TOGARAM2: variants seen among roughly 807,000 people sequenced by gnomAD.
The protein encoded by TOGARAM2 is TOG array regulator of axonemal microtubules protein 2.
TOGARAM2 carries 85 observed loss-of-function variants against 93.3 expected under a neutral mutation model. That is an observed-to-expected ratio of 0.91 (90% CI 0.76 to 1.09). TOGARAM2 has a LOEUF of 1.09. Among genes scored for constraint, TOGARAM2 ranks in the 50% least tolerant of loss-of-function variants. TOGARAM2 has a pLI of 0.00. For synonymous variants in TOGARAM2, 593 were observed against 552.8 expected, an observed-to-expected ratio of 1.07 and a Z score of -1.02; for missense variants, 1,277 against 1,334.5, an observed-to-expected ratio of 0.96 and a Z score of 0.67.
Position 29,023,063 on chromosome 2 carries a change from C to G in TOGARAM2, c.1512-23C>G, listed in dbSNP as rs746388506. 3 of 1,566,320 alleles carry G rather than the reference C, an allele frequency of 1.9e-6. No individual in the cohort carries two copies. In the East Asian group the frequency reaches 7.0e-5, roughly 37 times the overall value. On this transcript the variant is annotated intron_variant, in intron 11 of 19. Transcript: ENST00000379558. ...CTCCTCCCTCTCCACCCTTCTGCAA[C>G]AGGGCCTGGCCTTGCTTCTCAGGCA...
At chr2:29,022,133 T>G in intron 10 of TOGARAM2, 25 bp from the exon 11 acceptor site, 1 of 1,613,792 alleles carries the variant, frequency 6.2e-7, no homozygotes, top group Non-Finnish European at 8.5e-7. Context: ...GCGTGAAGCC[T>G]GCTGTTTCTT....
intron 1 of TOGARAM2, among the ~76,000 whole-genome samples, chr2:28,985,300 G>A (rs1254715268): frequency 6.6e-6 from 1 of 151,950 alleles, no homozygotes; most frequent in Non-Finnish European, 1.5e-5. Flanking sequence ...CTTGATCTTG[G>A]ACTTCCCAGC....
chr2:28,990,516 G>A (rs1572642506), intron 1 of TOGARAM2, among the ~76,000 whole-genome samples: 2 of 152,284 alleles, frequency 1.3e-5, no homozygotes, highest in Admixed American at 6.5e-5. Context: ...ACTCACAGGC[G>A]CATCTCCTCC....
At chr2:28,993,990 C>T (rs1219769582) in intron 1 of TOGARAM2, among the ~76,000 whole-genome samples, 4 of 152,194 alleles carry the variant, frequency 2.6e-5, no homozygotes, top group East Asian at 1.9e-4. Context: ...CTGGAAGCAC[C>T]TCTGTTACCT....
intron 6 of TOGARAM2, among the ~76,000 whole-genome samples, chr2:29,008,790 A>G (rs1193902696): frequency 6.6e-6 from 1 of 152,142 alleles, no homozygotes; most frequent in African/African-American, 2.4e-5. Flanking sequence ...TCTGTTCTTT[A>G]ACTTGGAGCA....
intron 8 of TOGARAM2, 56 bp downstream of exon 8, chr2:29,014,617 G>GA: frequency 2.1e-5 from 32 of 1,535,234 alleles, no homozygotes; most frequent in Non-Finnish European, 2.8e-5. Flanking sequence ...GCAGGCTGCA[G>GA]GAAGGCAAGC....
chr2:28,990,544 C>T lies in TOGARAM2; in HGVS notation c.-110-4181C>T, dbSNP rs543752107. Among the ~76,000 whole-genome samples, 6 of 152,342 alleles carry T rather than the reference C, an allele frequency of 3.9e-5. No homozygotes were observed. The East Asian group carries it at 1.2e-3, about 29-fold the overall frequency. ...TCTCCTCCACGCTTGCCTTAGGCCG[C>T]CTCCTCGGCCTGGAATGCCATTCCT... is the stretch of plus-strand genomic sequence containing the variant. On this transcript the variant is annotated intron_variant, in intron 1 of 19. Coordinates refer to ENST00000379558, the MANE Select transcript of TOGARAM2 (RefSeq NM_199280.4).
intron 6 of TOGARAM2, among the ~76,000 whole-genome samples, chr2:29,008,618 G>A (rs907610341): frequency 2.0e-5 from 3 of 152,004 alleles, no homozygotes; most frequent in South Asian, 2.1e-4. Flanking sequence ...CACCAGGCCC[G>A]GCTAATTTTT....
intron 18 of TOGARAM2, among the ~76,000 whole-genome samples, chr2:29,040,550 G>A (rs547638616): frequency 6.6e-6 from 1 of 152,296 alleles, no homozygotes; most frequent in East Asian, 1.9e-4. Context: ...TGTGTTCTGA[G>A]CTAGGGTATC....
chr2:28,994,451 G>A (rs1436686183), intron 1 of TOGARAM2, among the ~76,000 whole-genome samples: 4 of 152,082 alleles, frequency 2.6e-5, no homozygotes, highest in African/African-American at 7.2e-5. Context: ...ATCTTTCCCC[G>A]CGACCCTAAA....
At chr2:28,972,687 G>C (rs1308324617) in intron 1 of TOGARAM2, among the ~76,000 whole-genome samples, 1 of 152,172 alleles carries the variant, frequency 6.6e-6, no homozygotes, top group African/African-American at 2.4e-5. Flanking sequence ...CTGGCCAAAG[G>C]CATGATTCCA....
intron 4 of TOGARAM2, 30 bp from the exon 5 acceptor site, chr2:29,002,506 A>T (rs1286379636): frequency 1.3e-6 from 2 of 1,594,438 alleles, no homozygotes; most frequent in Non-Finnish European, 1.7e-6. Context: ...TTCTGGGACT[A>T]ACTGATTTCC....
chr2:29,027,129 G>A (rs1665440139), intron 14 of TOGARAM2, 118 bp downstream of exon 14: 9 of 1,070,800 alleles, frequency 8.4e-6, no homozygotes, highest in African/African-American at 1.6e-5. Context: ...GCAGGTAGGC[G>A]GAAGCTATGT....
intron 6 of TOGARAM2, among the ~76,000 whole-genome samples, chr2:29,004,946 GTGTGTGCA>G (rs1673567472): frequency 7.0e-6 from 1 of 143,060 alleles, no homozygotes; most frequent in Non-Finnish European, 1.5e-5. Flanking sequence ...GTGTGTGCAT[GTGTGTGCA>G]TGTGTATGTG....
chr2:29,024,151 C>A lies in TOGARAM2; in HGVS notation c.1630C>A (p.Arg544=), dbSNP rs775394536. The change falls in exon 13 of 20, where the codon CGG becomes AGG. Residue 544 remains arginine, a synonymous_variant. Transcript: ENST00000379558. ...LVVTGEVTNL[R]SKVSHLAIST... ...TCCTCTCTCCAAGGTCACCAACCTG[C>A]GGTCCAAGGTGTCTCACCTGGCCAT... 7 of 1,577,042 alleles carry A rather than the reference C, an allele frequency of 4.4e-6. No homozygotes were observed. The highest frequency in any genetic ancestry group is 6.0e-6 in the Non-Finnish European group (7 of 1,161,168).
At chr2:29,037,294 A>G (rs925358637) in intron 18 of TOGARAM2, among the ~76,000 whole-genome samples, 9 of 152,164 alleles carry the variant, frequency 5.9e-5, no homozygotes, top group African/African-American at 1.9e-4. Context: ...TGGATGCTAA[A>G]AGGTGATGTT....
chr2:29,042,995 C>T (rs187748505), intron 18 of TOGARAM2, among the ~76,000 whole-genome samples: 3 of 152,354 alleles, frequency 2.0e-5, no homozygotes, highest in African/African-American at 7.2e-5. Context: ...ATGTTCCTTA[C>T]ATTAGAGAAT....
chr2:29,009,010 T>C (rs979256521), intron 6 of TOGARAM2, among the ~76,000 whole-genome samples: 2 of 152,254 alleles, frequency 1.3e-5, no homozygotes, highest in African/African-American at 4.8e-5. Flanking sequence ...GTCCGTTTAC[T>C]CACCTAAAAG....
intron 1 of TOGARAM2, among the ~76,000 whole-genome samples, chr2:28,957,257 G>A (rs74175081): frequency 0.15 from 23,182 of 151,684 alleles, 2,235 homozygotes; most frequent in Non-Finnish European, 0.22. Flanking sequence ...GTGTAGTGGC[G>A]TGATTTCGGC....
Sources: gnomAD v4.1 joint callset for allele counts (sites outside exome capture counted in the v4.1 genomes callset) on GRCh38, gnomAD v4.1.1 for gene constraint, MANE v1.5 for transcripts, NCBI Gene and HGNC (gene_info 2026-07-23, HGNC 2026-07-21) for gene names.